The following CNTNAP2 variants were observed in gnomAD, a reference collection of about 807,000 sequenced individuals.
CNTNAP2 encodes contactin associated protein 2.
A neutral mutation model predicts 155.2 loss-of-function variants in CNTNAP2; 98 were observed. That is an observed-to-expected ratio of 0.63 (90% CI 0.54 to 0.75). CNTNAP2 has a LOEUF of 0.75. Ranked by LOEUF, CNTNAP2 falls within the 30% of genes least tolerant of loss-of-function variation. The pLI is 0.00. For synonymous variants in CNTNAP2, 651 were observed against 631.2 expected, an observed-to-expected ratio of 1.03 and a Z score of -0.47; for missense variants, 1,727 against 1,688.1, an observed-to-expected ratio of 1.02 and a Z score of -0.40.
At chr7:146,145,060 C>T (rs937148627) in intron 1 of CNTNAP2, among the ~76,000 whole-genome samples, 1 of 152,132 alleles carries the variant, frequency 6.6e-6, no homozygotes, top group African/African-American at 2.4e-5. Flanking sequence ...TCAGATACAA[C>T]AGAAAGCCCC....
chr7:148,216,804 G>T (rs1795646434), intron 18 of CNTNAP2, among the ~76,000 whole-genome samples: 1 of 152,198 alleles, frequency 6.6e-6, no homozygotes, highest in South Asian at 2.1e-4. Context: ...GAAGGGACCT[G>T]GTTGGAAGTA....
intron 23 of CNTNAP2, among the ~76,000 whole-genome samples, chr7:148,413,288 A>G (rs1332433519): frequency 6.7e-6 from 1 of 149,608 alleles, no homozygotes; most frequent in Non-Finnish European, 1.5e-5. Context: ...GCTACTCGGG[A>G]GGCTGAGACA....
intron 1 of CNTNAP2, among the ~76,000 whole-genome samples, chr7:146,563,409 C>CAA (rs1798310573): frequency 6.6e-6 from 1 of 152,084 alleles, no homozygotes; most frequent in Non-Finnish European, 1.5e-5. Context: ...CTTAGAGACT[C>CAA]AACTTATGGT....
chr7:146,974,835 C>T (rs985167436), intron 3 of CNTNAP2, among the ~76,000 whole-genome samples: 3 of 151,878 alleles, frequency 2.0e-5, no homozygotes, highest in African/African-American at 7.3e-5. Flanking sequence ...CCCATCTCTA[C>T]TAAAAATACA....
chr7:146,820,791 G>T (rs998726158), intron 2 of CNTNAP2, among the ~76,000 whole-genome samples: 15 of 152,284 alleles, frequency 9.9e-5, no homozygotes, highest in African/African-American at 3.6e-4. Flanking sequence ...TTATTATTGT[G>T]TGGGAGTCTC....
intron 1 of CNTNAP2, among the ~76,000 whole-genome samples, chr7:146,594,760 G>A (rs563140040): frequency 4.6e-4 from 70 of 152,202 alleles, no homozygotes; most frequent in African/African-American, 1.6e-3. Flanking sequence ...TAAATGAAGA[G>A]AAGATATGTC....
At position 147,326,213 on chromosome 7, in the gene CNTNAP2, T is replaced by C. The variant is rs188582453; in HGVS notation, c.1498+25923T>C. On this transcript the variant is annotated intron_variant, in intron 9 of 23. Coordinates refer to ENST00000361727, the MANE Select transcript of CNTNAP2 (RefSeq NM_014141.6). Reference sequence around the variant, plus strand: ...TGCTGGGATTACAGGCGTTAGCCACTGCGCCTGGACACCAGCATTCTACTT... The same window carrying C: ...TGCTGGGATTACAGGCGTTAGCCACCGCGCCTGGACACCAGCATTCTACTT... Among the ~76,000 whole-genome samples the C allele has an allele frequency of 5.6e-3, 855 of 152,334 alleles. 8 individuals are homozygous for C. Among genetic ancestry groups the C allele is most frequent in the East Asian group, 0.017 (88 of 5,182 alleles).
At chr7:148,322,097 T>G (rs944106203) in intron 21 of CNTNAP2, among the ~76,000 whole-genome samples, 1 of 152,040 alleles carries the variant, frequency 6.6e-6, no homozygotes, top group African/African-American at 2.4e-5. Context: ...ATTTTTTGTA[T>G]TTTTAGTAGA....
chr7:146,218,855 C>A (rs1035982693), intron 1 of CNTNAP2, among the ~76,000 whole-genome samples: 35 of 152,062 alleles, frequency 2.3e-4, no homozygotes, highest in African/African-American at 8.2e-4. Context: ...GAAGAAAGAG[C>A]CCTGATGGAA....
At chr7:146,570,141 C>A (rs1021903219) in intron 1 of CNTNAP2, among the ~76,000 whole-genome samples, 6 of 152,058 alleles carry the variant, frequency 3.9e-5, no homozygotes, top group Non-Finnish European at 8.8e-5. Flanking sequence ...ATAAATACAC[C>A]TTATTACTAC....
chr7:147,236,748 G>T (rs1266133298), intron 8 of CNTNAP2, among the ~76,000 whole-genome samples: 2 of 151,656 alleles, frequency 1.3e-5, no homozygotes, highest in Non-Finnish European at 2.9e-5. Context: ...CAGAAACCTG[G>T]GACTCACCTT....
intron 5 of CNTNAP2, among the ~76,000 whole-genome samples, chr7:147,119,161 A>G (rs536791940): frequency 2.6e-5 from 4 of 152,326 alleles, no homozygotes; most frequent in Admixed American, 6.5e-5. Context: ...CACACACTGC[A>G]GTTGAATTAT....
chr7:147,791,577 A>G (rs1288094592), intron 13 of CNTNAP2, among the ~76,000 whole-genome samples: 4 of 151,718 alleles, frequency 2.6e-5, no homozygotes, highest in Non-Finnish European at 4.4e-5. Context: ...AGCTATTTGC[A>G]CTAGGAGAGT....
intron 15 of CNTNAP2, among the ~76,000 whole-genome samples, chr7:148,005,993 CA>C (rs1350617870): frequency 1.3e-5 from 2 of 152,092 alleles, no homozygotes; most frequent in South Asian, 2.1e-4. Context: ...CCCTTCCAGA[CA>C]GCACTGATTT....
At chr7:148,236,540 C>G (rs1236481553) in intron 20 of CNTNAP2, among the ~76,000 whole-genome samples, 1 of 152,186 alleles carries the variant, frequency 6.6e-6, no homozygotes, top group Non-Finnish European at 1.5e-5. Flanking sequence ...CATTCTGTCT[C>G]TTTTGAAGAA....
intron 3 of CNTNAP2, among the ~76,000 whole-genome samples, chr7:146,941,375 C>A (rs1045374444): frequency 6.6e-6 from 1 of 152,148 alleles, no homozygotes. Context: ...CAACTCTACA[C>A]TTTAACTCTA....
At chr7:148,410,422 C>T (rs1242216450) in intron 23 of CNTNAP2, among the ~76,000 whole-genome samples, 1 of 152,002 alleles carries the variant, frequency 6.6e-6, no homozygotes, top group Non-Finnish European at 1.5e-5. Context: ...CAAAAGTTAG[C>T]CAGGCGTGGT....
intron 13 of CNTNAP2, among the ~76,000 whole-genome samples, chr7:147,862,500 G>A (rs992091713): frequency 1.3e-5 from 2 of 152,086 alleles, no homozygotes. Context: ...TGTGACTAAA[G>A]AGGGCAGTCG....
At chr7:148,176,435 T>C (rs1034098711) in intron 18 of CNTNAP2, among the ~76,000 whole-genome samples, 5 of 151,904 alleles carry the variant, frequency 3.3e-5, no homozygotes, top group African/African-American at 1.2e-4. Flanking sequence ...GCCAGGCTAG[T>C]CTCGAACTCC....
Sources: allele counts gnomAD v4.1 joint callset (sites outside exome capture counted in the v4.1 genomes callset), GRCh38; gene constraint gnomAD v4.1.1; transcripts MANE v1.5; gene names NCBI Gene and HGNC (gene_info 2026-07-23, HGNC 2026-07-21).